PDE3A: variants seen among roughly 807,000 people sequenced by gnomAD.
PDE3A encodes the protein phosphodiesterase 3A.
A neutral mutation model predicts 98.3 loss-of-function variants in PDE3A; 43 were observed. The ratio of observed to expected loss-of-function variants is 0.44; its 90% confidence interval spans 0.34 to 0.56. The LOEUF (loss-of-function observed/expected upper bound fraction) is 0.56. PDE3A is among the 20% of genes least tolerant of loss of function. PDE3A has a pLI of 0.01. For synonymous variants in PDE3A, 663 were observed against 567.9 expected, an observed-to-expected ratio of 1.17 and a Z score of -2.38; for missense variants, 1,427 against 1,440.7, an observed-to-expected ratio of 0.99 and a Z score of 0.15.
intron 2 of PDE3A, among the ~76,000 whole-genome samples, chr12:20,596,901 T>C (rs750537009): frequency 6.6e-6 from 1 of 152,078 alleles, no homozygotes; most frequent in Non-Finnish European, 1.5e-5. Flanking sequence ...GTATAGCAAA[T>C]TGGCAAGGAT....
At chr12:20,642,383 T>C (rs943309471) in intron 10 of PDE3A, among the ~76,000 whole-genome samples, 1 of 152,122 alleles carries the variant, frequency 6.6e-6, no homozygotes, top group Non-Finnish European at 1.5e-5. Flanking sequence ...ATAATATAAA[T>C]GTGATAAAAA....
intron 1 of PDE3A, among the ~76,000 whole-genome samples, chr12:20,530,974 A>C (rs1394046721): frequency 6.6e-6 from 1 of 152,068 alleles, no homozygotes; most frequent in Non-Finnish European, 1.5e-5. Flanking sequence ...TAGGATGAGC[A>C]CTCTCCCTTA....
At chr12:20,466,709 C>G (rs1433574340) in intron 1 of PDE3A, among the ~76,000 whole-genome samples, 4 of 152,164 alleles carry the variant, frequency 2.6e-5, no homozygotes, top group Non-Finnish European at 5.9e-5. Flanking sequence ...ATATAAAAAT[C>G]ACTTAATCTA....
At chr12:20,485,398 A>G (rs1945709055) in intron 1 of PDE3A, among the ~76,000 whole-genome samples, 1 of 152,184 alleles carries the variant, frequency 6.6e-6, no homozygotes, top group Non-Finnish European at 1.5e-5. Context: ...TTTTCAAATA[A>G]GGTCATGTTT....
At chr12:20,553,897 G>C (rs1592051424) in intron 1 of PDE3A, among the ~76,000 whole-genome samples, 2 of 151,970 alleles carry the variant, frequency 1.3e-5, no homozygotes, top group African/African-American at 4.8e-5. Flanking sequence ...TCCTGACACC[G>C]GATGGGTGCT....
intron 6 of PDE3A, among the ~76,000 whole-genome samples, chr12:20,632,754 C>T (rs553848997): frequency 6.6e-6 from 1 of 152,074 alleles, no homozygotes; most frequent in African/African-American, 2.4e-5. Context: ...CATCAAAATG[C>T]ACCCCTCTTT....
Position 20,552,039 on chromosome 12 carries a change from G to A in PDE3A, c.961-4621G>A, listed in dbSNP as rs1302490779. 6.2e-6 allele frequency: 10 copies of A among 1,611,842 alleles called. No individual in the cohort carries two copies. The Admixed American group carries it at 8.3e-5, about 13-fold the overall frequency. Reference sequence around the variant, plus strand: ...TGGCGGGGGGCTACGAGGATGACGTGGACCATGGGAATTTTTTCACATACA... The same window carrying A: ...TGGCGGGGGGCTACGAGGATGACGTAGACCATGGGAATTTTTTCACATACA... On this transcript the variant is annotated intron_variant, in intron 1 of 15. Transcript: ENST00000359062. This position sits in a 1 kb window ranked among gnomAD's most constrained non-coding sequence, Gnocchi z 5.1.
intron 15 of PDE3A, among the ~76,000 whole-genome samples, chr12:20,660,334 G>A (rs951238795): frequency 2.0e-4 from 30 of 152,112 alleles, no homozygotes; most frequent in African/African-American, 7.0e-4. Flanking sequence ...TGTGAAAATG[G>A]ACTAATACAG....
At chr12:20,538,582 A>G (rs1941812346) in intron 1 of PDE3A, among the ~76,000 whole-genome samples, 2 of 152,306 alleles carry the variant, frequency 1.3e-5, no homozygotes, top group South Asian at 2.1e-4. Flanking sequence ...AGGAAGAAGA[A>G]TACGACGTAT....
chr12:20,474,672 C>A (rs1945497740), intron 1 of PDE3A, among the ~76,000 whole-genome samples: 1 of 152,138 alleles, frequency 6.6e-6, no homozygotes, highest in African/African-American at 2.4e-5. Context: ...GGCTCCTGGC[C>A]TCTTCCTCCA....
At chr12:20,558,735 TG>T (rs1255339327) in intron 2 of PDE3A, among the ~76,000 whole-genome samples, 1 of 148,962 alleles carries the variant, frequency 6.7e-6, no homozygotes, top group Non-Finnish European at 1.5e-5. Context: ...AATGTTTTCA[TG>T]TTTTGGATAA....
At chr12:20,621,651 C>T (rs1163891274) in intron 5 of PDE3A, among the ~76,000 whole-genome samples, 1 of 152,018 alleles carries the variant, frequency 6.6e-6, no homozygotes, top group Non-Finnish European at 1.5e-5. Context: ...CTATCTTGAA[C>T]TAATTAGATG....
chr12:20,504,596 C>T (rs1319482475), intron 1 of PDE3A, among the ~76,000 whole-genome samples: 3 of 152,086 alleles, frequency 2.0e-5, no homozygotes, highest in Non-Finnish European at 4.4e-5. Context: ...GGCAAGGTCT[C>T]ATTCCTTTCT....
At chr12:20,662,632 C>G (rs961899839) in intron 15 of PDE3A, among the ~76,000 whole-genome samples, 10 of 152,172 alleles carry the variant, frequency 6.6e-5, no homozygotes, top group Middle Eastern at 3.2e-3. Flanking sequence ...CCGAAGAAAT[C>G]TCTAAGCAGC....
intron 1 of PDE3A, among the ~76,000 whole-genome samples, chr12:20,517,559 T>G (rs1946345850): frequency 6.6e-6 from 1 of 152,224 alleles, no homozygotes; most frequent in South Asian, 2.1e-4. Context: ...CTCCCTCCTA[T>G]GACAAACTGA....
chr12:20,665,715 G>A (rs539720536), intron 15 of PDE3A, among the ~76,000 whole-genome samples: 67 of 151,890 alleles, frequency 4.4e-4, no homozygotes, highest in Middle Eastern at 3.4e-3. Flanking sequence ...TAAATTCTTC[G>A]TCTACACTTG....
intron 8 of PDE3A, among the ~76,000 whole-genome samples, chr12:20,635,630 G>A (rs1297339786): frequency 6.6e-6 from 1 of 150,896 alleles, no homozygotes; most frequent in Non-Finnish European, 1.5e-5. Flanking sequence ...GCAGGTGCCT[G>A]TAATCCCAGC....
At chr12:20,616,138 T>A in intron 3 of PDE3A, 92 bp from the exon 4 acceptor site, 1 of 1,166,224 alleles carries the variant, frequency 8.6e-7, no homozygotes, top group Non-Finnish European at 1.2e-6. Context: ...GTCAATTCAC[T>A]TCTAATTAAA....
intron 3 of PDE3A, among the ~76,000 whole-genome samples, chr12:20,614,921 G>A (rs1943962128): frequency 6.6e-6 from 1 of 151,654 alleles, no homozygotes. Context: ...ATAAAAGTGG[G>A]TTGTGGTTCT....
Sources: allele counts gnomAD v4.1 joint callset (sites outside exome capture counted in the v4.1 genomes callset), GRCh38; gene constraint gnomAD v4.1.1; non-coding constraint Gnocchi (gnomAD v3.1); transcripts MANE v1.5; gene names NCBI Gene and HGNC (gene_info 2026-07-23, HGNC 2026-07-21).